Variants in CIZ1 observed in about 807,000 individuals in gnomAD.
CIZ1 encodes CDKN1A interacting zinc finger protein 1.
In CIZ1, 58 loss-of-function variants were observed where a neutral mutation model predicts 118.6. That is an observed-to-expected ratio of 0.49 (90% confidence interval 0.40 to 0.61). The LOEUF is 0.61. CIZ1 is among the 20% of genes least tolerant of loss of function. The pLI, the probability that CIZ1 is intolerant of heterozygous loss-of-function variation, is 0.00. For synonymous variants in CIZ1, 448 were observed against 443.4 expected, an observed-to-expected ratio of 1.01 and a Z score of -0.13; for missense variants, 921 against 1,115.9, an observed-to-expected ratio of 0.83 and a Z score of 2.49.
chr9:128,189,804 G>C (rs367547735), intron 3 of CIZ1, among the ~76,000 whole-genome samples: 1 of 122,836 alleles, frequency 8.1e-6, no homozygotes, highest in Non-Finnish European at 1.6e-5. Context: ...CAGCCTGGGC[G>C]ACAGAGCAAA....
chr9:128,203,454 CG>C lies in CIZ1; in HGVS notation c.-6+731del. The C allele has an allele frequency of 6.8e-7, 1 of 1,461,988 alleles. No homozygotes were observed. The highest frequency in any genetic ancestry group is 1.3e-5 in the South Asian group (1 of 76,842). 90.6% of individuals were successfully genotyped at this position (1,461,988 alleles called of 1,614,324 possible). A position where few individuals can be genotyped will look rare whatever the true frequency, so the allele number is the denominator to read the frequency against. On this transcript the variant is annotated intron_variant, in intron 1 of 17. Coordinates refer to the CIZ1 transcript ENST00000372948. The surrounding 1 kb of genome is among the most constrained non-coding windows in gnomAD (Gnocchi z 5.3). The stretch of plus-strand genomic sequence containing the variant: ...CTAGCGGCAGCCGGATCGCAGCCTG[CG>C]GGGCCCGCCGCAGCCATGGGCAACC...
chr9:128,187,825 A>G (rs1832565461), intron 4 of CIZ1, 38 bp downstream of exon 4: 1 of 530,324 alleles, frequency 1.9e-6, no homozygotes, highest in East Asian at 3.3e-5. Flanking sequence ...TTATATGTAT[A>G]TATACATTTA....
At chr9:128,181,968 A>G (rs959453223) in intron 5 of CIZ1, among the ~76,000 whole-genome samples, 11 of 152,140 alleles carry the variant, frequency 7.2e-5, no homozygotes, top group Non-Finnish European at 1.6e-4. Context: ...TGCCTTCCAG[A>G]TAGTAGTAGT....
At chr9:128,176,575 G>A (rs901173603) in intron 10 of CIZ1, 100 bp from the exon 11 acceptor site, 14 of 1,220,552 alleles carry the variant, frequency 1.1e-5, no homozygotes, top group African/African-American at 1.5e-5. Flanking sequence ...ATCACTGTGC[G>A]CCCATTTCTC....
Position 128,166,350 on chromosome 9 carries a change from G to C in CIZ1, c.2544C>G (p.Cys848Trp). 6.4e-7 allele frequency: 1 copy of C among 1,562,040 alleles called. No individual in the cohort carries two copies. Among genetic ancestry groups the C allele is most frequent in the South Asian group, 1.2e-5 (1 of 84,738 alleles). The change falls in exon 17 of 17, where the codon TGC (cysteine) becomes TGG (tryptophan). Residue 848 changes from cysteine (C) to tryptophan (W), a missense_variant. Cys to Trp is a radical substitution (Grantham distance 215, BLOSUM62 -2). Coordinates refer to ENST00000372938, the MANE Select transcript of CIZ1 (RefSeq NM_001131016.2). This position sits in a 1 kb window ranked among gnomAD's most constrained non-coding sequence, Gnocchi z 4.4. ...TCAAAGCGTTCCGGGCGTTGATTGC[G>C]CACCGGCGGCTCACAGGTCGGGTGG... The part of the protein sequence containing the change: ...SPTTRPVSRR[C>W]AINARNALTA...
chr9:128,179,255 C>A lies in CIZ1; in HGVS notation c.952G>T (p.Val318Phe). ...LPRFQPRVLQ[V>F]QAQVQSQTQP... ...GTCTGTGACTGCACCTGGGCCTGGA[C>A]CTGCAGGACCCGTGGCTGGAATCGT... Residue 318 changes from valine (V) to phenylalanine (F), a missense_variant, in exon 8 of 17, where the codon GTC (valine) becomes TTC (phenylalanine). Transcript: ENST00000372938. 6.2e-7 allele frequency: 1 copy of A among 1,614,154 alleles called. No individual in the cohort carries two copies. Among genetic ancestry groups the A allele is most frequent in the Non-Finnish European group, 8.5e-7 (1 of 1,180,036 alleles).
intron 11 of CIZ1, among the ~76,000 whole-genome samples, chr9:128,175,913 C>T (rs917682677): frequency 2.0e-5 from 3 of 152,154 alleles, no homozygotes; most frequent in African/African-American, 7.2e-5. Context: ...CAGTATAGTT[C>T]CAGACCCCAG....
chr9:128,185,048 G>C (rs1832174916), intron 5 of CIZ1, among the ~76,000 whole-genome samples: 1 of 152,096 alleles, frequency 6.6e-6, no homozygotes, highest in South Asian at 2.1e-4. Context: ...GGAGGCTGAG[G>C]CGGGCGGATC....
Position 128,191,368 on chromosome 9 carries a change from T to A in CIZ1, c.-6+64A>T. 3 of 561,726 alleles carry A rather than the reference T, an allele frequency of 5.3e-6. No homozygotes were observed. The highest frequency in any genetic ancestry group is 6.8e-6 in the Non-Finnish European group (3 of 441,100). 34.8% of individuals were successfully genotyped at this position (561,726 alleles called of 1,614,324 possible). On this transcript the variant is annotated intron_variant, in intron 1 of 16. Transcript: ENST00000372938. This position sits in a 1 kb window ranked among gnomAD's most constrained non-coding sequence, Gnocchi z 5.5. The stretch of plus-strand genomic sequence containing the variant: ...GCCCGCTCCCACCCCGCCAGCCGCC[T>A]CCTCCGCAGACACAGCCAGCTCGCA...
chr9:128,169,871 C>CA, intron 12 of CIZ1, 149 bp downstream of exon 12: 2 of 988,680 alleles, frequency 2.0e-6, no homozygotes, highest in Non-Finnish European at 3.0e-6. Context: ...GAAGAAGAAA[C>CA]AAGACTGACT....
In CIZ1 at chr9:128,203,379, A is replaced by G; in HGVS notation, c.-6+807T>C. Reference sequence around the variant, plus strand: ...GGGGCGGGGGCCCCGCGGCGCAGGCAGTCTGGGCGCGCGGCTGCAGCGGCG... The same window carrying G: ...GGGGCGGGGGCCCCGCGGCGCAGGCGGTCTGGGCGCGCGGCTGCAGCGGCG... On this transcript the variant is annotated intron_variant, in intron 1 of 17. Transcript: ENST00000372948. This position sits in a 1 kb window ranked among gnomAD's most constrained non-coding sequence, Gnocchi z 5.3. The G allele has an allele frequency of 8.2e-7, 1 of 1,217,986 alleles. No individual in the cohort carries two copies. The highest frequency in any genetic ancestry group is 1.0e-6 in the Non-Finnish European group (1 of 963,388). 75.4% of individuals were successfully genotyped at this position (1,217,986 alleles called of 1,614,324 possible).
intron 5 of CIZ1, among the ~76,000 whole-genome samples, chr9:128,182,861 T>A (rs1341826055): frequency 6.6e-6 from 1 of 152,034 alleles, no homozygotes; most frequent in Non-Finnish European, 1.5e-5. Context: ...TGGGCTCAAC[T>A]GATCCTCCTG....
chr9:128,177,348 C>T (rs1213686740), intron 10 of CIZ1, among the ~76,000 whole-genome samples: 1 of 152,156 alleles, frequency 6.6e-6, no homozygotes, highest in African/African-American at 2.4e-5. Context: ...GAGATCATGC[C>T]ACTGCACTCC....
chr9:128,174,977 C>G (rs1830681786), intron 11 of CIZ1, among the ~76,000 whole-genome samples: 1 of 152,152 alleles, frequency 6.6e-6, no homozygotes, highest in Admixed American at 6.5e-5. Context: ...TTGATGGCCT[C>G]AGGGCCAAGT....
rs1279863393 is a variant in CIZ1, at chr9:128,170,069, A to G, written c.1982T>C (p.Leu661Pro). 1 of 1,613,988 alleles carries G rather than the reference A, an allele frequency of 6.2e-7. No homozygotes were observed. Among genetic ancestry groups the G allele is most frequent in the Non-Finnish European group, 8.5e-7 (1 of 1,180,014 alleles). The change falls in exon 12 of 17, where the codon CTC becomes CCC. Residue 661 changes from leucine to proline, a missense_variant. Physicochemically the swap from Leu to Pro is moderately conservative, Grantham distance 98 (BLOSUM62 -3). Coordinates refer to ENST00000372938, the MANE Select transcript of CIZ1 (RefSeq NM_001131016.2). ...TTGGATCAGGTCCCCCATGTAGTAGAGCTGGCAGGTGTTGCACCAGCGCCT... is the reference window on the plus strand; with the variant it reads ...TTGGATCAGGTCCCCCATGTAGTAGGGCTGGCAGGTGTTGCACCAGCGCCT... ...PPRRWCNTCQ[L>P]YYMGDLIQHR...
rs747418948 is a variant in CIZ1 at position 128,190,436 on chromosome 9, G to T, written c.179C>A (p.Pro60His). The T allele has an allele frequency of 6.2e-7, 1 of 1,611,894 alleles. No individual in the cohort carries two copies. Among genetic ancestry groups the T allele is most frequent in the Non-Finnish European group, 8.5e-7 (1 of 1,178,722 alleles). The change falls in exon 3 of 17, where the codon CCC becomes CAC. Residue 60 changes from proline to histidine, a missense_variant. Pro to His is a moderately conservative substitution (Grantham distance 77). Transcript: ENST00000372938. Reference sequence around the variant, plus strand: ...AAGCGGCTGCTGTGGCTGCTGCGGGGGGAGCCCCCTGTGTGTTGGGAGGGG... The same window carrying T: ...AAGCGGCTGCTGTGGCTGCTGCGGGTGGAGCCCCCTGTGTGTTGGGAGGGG... ...PLPMAVSRGLPPQQPQQPLLN... is the reference protein window; with the variant it reads ...PLPMAVSRGLHPQQPQQPLLN...
chr9:128,176,539 G>C, intron 10 of CIZ1, 64 bp from the exon 11 acceptor site: 2 of 1,533,054 alleles, frequency 1.3e-6, no homozygotes, highest in Non-Finnish European at 1.8e-6. Flanking sequence ...GCAAGGCTGG[G>C]GCCTGGGGAG....
rs959076798 is a variant in CIZ1 at position 128,166,089 on chromosome 9, A to T, written c.*108T>A. On this transcript the variant is annotated 3_prime_UTR_variant, in exon 17 of 17. Transcript: ENST00000372938. The surrounding 1 kb of genome is among the most constrained non-coding windows in gnomAD (Gnocchi z 4.4). ...CTGCACAGCCAAACTACCTTGTTTT[A>T]TTGGATTTTGAGTAAAAACATGAAC... is the stretch of plus-strand genomic sequence containing the variant. 1.2e-6 allele frequency: 1 copy of T among 812,708 alleles called. No homozygotes were observed. The highest frequency in any genetic ancestry group is 1.8e-6 in the Non-Finnish European group (1 of 553,292). The allele number at this position is 812,708 out of a possible 1,614,324, so 50.3% of individuals were successfully genotyped here.
At chr9:128,201,346 A>G (rs1003988679) in intron 1 of CIZ1, among the ~76,000 whole-genome samples, 3 of 152,172 alleles carry the variant, frequency 2.0e-5, no homozygotes, top group Non-Finnish European at 4.4e-5. Context: ...GCTACTCGGG[A>G]GGCTGAGGCA....
Sources: allele counts gnomAD v4.1 joint callset (sites outside exome capture counted in the v4.1 genomes callset), GRCh38; gene constraint gnomAD v4.1.1; non-coding constraint Gnocchi (gnomAD v3.1); transcripts MANE v1.5; gene names NCBI Gene and HGNC (gene_info 2026-07-23, HGNC 2026-07-21).